CACNA1C: variants seen among roughly 807,000 people sequenced by gnomAD.
CACNA1C encodes voltage-dependent L-type calcium channel subunit alpha-1C.
In CACNA1C, 30 loss-of-function variants were observed where a neutral mutation model predicts 229.0. That is an observed-to-expected ratio of 0.13 (90% CI 0.10 to 0.18). The LOEUF (loss-of-function observed/expected upper bound fraction) is 0.18. Ranked by LOEUF, CACNA1C falls within the 10% of genes least tolerant of loss-of-function variation. CACNA1C has a pLI of 1.00. For missense variants in CACNA1C, 1,658 were observed against 2,845.0 expected (o/e 0.58, Z 9.49); for synonymous variants, 1,114 against 1,132.5 (o/e 0.98, Z 0.33).
intron 5 of CACNA1C, among the ~76,000 whole-genome samples, chr12:2,465,257 T>G (rs1199921765): frequency 6.6e-6 from 1 of 152,210 alleles, no homozygotes; most frequent in Non-Finnish European, 1.5e-5. Flanking sequence ...ATAAGGAATA[T>G]TCAAGAGTTA....
At chr12:2,214,679 T>C in intron 3 of CACNA1C, among the ~76,000 whole-genome samples, 1 of 58,066 alleles carries the variant, frequency 1.7e-5, no homozygotes, top group Admixed American at 1.5e-4. Context: ...TCCGGGGAGG[T>C]GGGCCCGGGA....
chr12:2,269,808 C>T (rs996281668), intron 3 of CACNA1C: 1 of 152,162 alleles, frequency 6.6e-6, no homozygotes, highest in Non-Finnish European at 1.5e-5. Flanking sequence ...GCTGTCATCA[C>T]CCTAGGGCCT....
chr12:2,003,193 C>T (rs866103813), intron 1 of CACNA1C, among the ~76,000 whole-genome samples: 3 of 152,064 alleles, frequency 2.0e-5, no homozygotes, highest in African/African-American at 7.2e-5. Context: ...GAGTTTTTTA[C>T]TACAGGCTGC....
chr12:2,413,207 G>A (rs907808197), intron 3 of CACNA1C, among the ~76,000 whole-genome samples: 4 of 254 alleles, frequency 0.016, no homozygotes, highest in African/African-American at 0.048. Context: ...TACTAAAGAC[G>A]TGTTTCACCA....
chr12:2,433,711 T>G (rs2099108526), intron 3 of CACNA1C, among the ~76,000 whole-genome samples: 1 of 152,186 alleles, frequency 6.6e-6, no homozygotes, highest in Non-Finnish European at 1.5e-5. Flanking sequence ...TGGAAGTTCT[T>G]TCTTGAGACA....
chr12:2,261,231 C>CAA (rs776152609), intron 3 of CACNA1C, among the ~76,000 whole-genome samples: 4 of 120,830 alleles, frequency 3.3e-5, no homozygotes, highest in Admixed American at 2.6e-4. Flanking sequence ...GACTCCGTCT[C>CAA]AAAAAAAAAA....
At chr12:2,395,567 G>C (rs1259899552) in intron 3 of CACNA1C, among the ~76,000 whole-genome samples, 2 of 152,096 alleles carry the variant, frequency 1.3e-5, no homozygotes, top group Non-Finnish European at 2.9e-5. Context: ...TGCGCCCCCA[G>C]TGGCCAGAGG....
intron 1 of CACNA1C, among the ~76,000 whole-genome samples, chr12:2,044,580 G>A (rs1231506294): frequency 6.6e-6 from 1 of 152,200 alleles, no homozygotes; most frequent in Non-Finnish European, 1.5e-5. Context: ...TTCCAGGAAT[G>A]TAAATATTTG....
chr12:2,151,305 G>C (rs890558968), intron 3 of CACNA1C, among the ~76,000 whole-genome samples: 1 of 150,280 alleles, frequency 6.7e-6, no homozygotes, highest in East Asian at 1.9e-4. Context: ...AAAATTGAAG[G>C]CACCCTTACC....
At chr12:2,297,475 G>T (rs1016112174) in intron 3 of CACNA1C, among the ~76,000 whole-genome samples, 4 of 152,216 alleles carry the variant, frequency 2.6e-5, no homozygotes, top group African/African-American at 9.6e-5. Context: ...GAGACAATGG[G>T]TTGTTGGAGA....
chr12:2,684,950 G>A (rs2097367156), intron 43 of CACNA1C, among the ~76,000 whole-genome samples: 1 of 152,196 alleles, frequency 6.6e-6, no homozygotes, highest in Non-Finnish European at 1.5e-5. Context: ...TGAGTCAGTG[G>A]TCTCATCTGG....
At chr12:2,314,339 TA>T (rs1010101257) in intron 3 of CACNA1C, among the ~76,000 whole-genome samples, 1 of 152,186 alleles carries the variant, frequency 6.6e-6, no homozygotes, top group African/African-American at 2.4e-5. Flanking sequence ...TATTTTAAAG[TA>T]AAAGCTTTAA....
intron 1 of CACNA1C, among the ~76,000 whole-genome samples, chr12:2,087,869 C>T (rs2068338438): frequency 6.6e-6 from 1 of 152,120 alleles, no homozygotes; most frequent in Non-Finnish European, 1.5e-5. Flanking sequence ...TCATACTGAA[C>T]GTGTTTGTCT....
At chr12:2,340,111 T>C (rs1208255469) in intron 3 of CACNA1C, among the ~76,000 whole-genome samples, 1 of 152,172 alleles carries the variant, frequency 6.6e-6, no homozygotes, top group Admixed American at 6.5e-5. Flanking sequence ...TGCTGTTTGG[T>C]GAGCACGAAG....
intron 13 of CACNA1C, among the ~76,000 whole-genome samples, chr12:2,571,457 G>C (rs2054364168): frequency 6.6e-6 from 1 of 151,914 alleles, no homozygotes. Flanking sequence ...TCCCTGTTTT[G>C]GGCTTTTATG....
chr12:2,685,723 C>T lies in CACNA1C; in HGVS notation c.5574-13C>T, dbSNP rs1265215318. On this transcript the variant is annotated splice_polypyrimidine_tract_variant and intron_variant, in intron 43 of 46. Coordinates refer to ENST00000399655, the MANE Select transcript of CACNA1C (RefSeq NM_000719.7). ...AGCCTCCAGGAACAAGCCCCATGAGCTCTCTGTTCCAGGCTCTCCTACCAG... is the reference window on the plus strand; with the variant it reads ...AGCCTCCAGGAACAAGCCCCATGAGTTCTCTGTTCCAGGCTCTCCTACCAG... 6.2e-7 allele frequency: 1 copy of T among 1,602,880 alleles called. No individual in the cohort carries two copies. Among genetic ancestry groups the T allele is most frequent in the South Asian group, 1.1e-5 (1 of 90,810 alleles).
chr12:2,432,164 C>G (rs1192254649), intron 3 of CACNA1C, among the ~76,000 whole-genome samples: 1 of 152,204 alleles, frequency 6.6e-6, no homozygotes, highest in Non-Finnish European at 1.5e-5. Flanking sequence ...GCAGCAAACA[C>G]TTTTTAAATT....
chr12:2,289,497 C>A (rs950173730), intron 3 of CACNA1C, among the ~76,000 whole-genome samples: 6 of 152,132 alleles, frequency 3.9e-5, no homozygotes, highest in Non-Finnish European at 8.8e-5. Context: ...TGTGTGCTTG[C>A]TGCCTGGTCT....
rs1291347938 is a variant in CACNA1C, at chr12:2,054,000, G to T, written c.49+389G>T. 1.4e-5 allele frequency among the ~76,000 whole-genome samples: 2 copies of T among 147,788 alleles called. No homozygotes were observed. Among genetic ancestry groups the T allele is most frequent in the Admixed American group, 6.7e-5 (1 of 14,874 alleles). ...GGGCGCCGGCGCCGCGGAGCCCAGA[G>T]GCCCGGGGTCCCTCGCCCGGCTCGG... On this transcript the variant is annotated intron_variant, in intron 1 of 46. Transcript: ENST00000399655. This position sits in a 1 kb window ranked among gnomAD's most constrained non-coding sequence, Gnocchi z 5.8.
Sources: gnomAD v4.1 joint callset for allele counts (sites outside exome capture counted in the v4.1 genomes callset) on GRCh38, gnomAD v4.1.1 for gene constraint, Gnocchi (gnomAD v3.1) non-coding constraint, MANE v1.5 for transcripts, NCBI Gene and HGNC (gene_info 2026-07-23, HGNC 2026-07-21) for gene names.